KCNC1: variants seen among roughly 807,000 people sequenced by gnomAD.
KCNC1 encodes potassium voltage-gated channel subfamily C member 1.
A neutral mutation model predicts 43.4 loss-of-function variants in KCNC1; 8 were observed. That is an observed-to-expected ratio of 0.18 (90% confidence interval 0.11 to 0.33). The LOEUF is 0.33. Among genes scored for constraint, KCNC1 ranks in the 10% least tolerant of loss-of-function variants. The pLI is 1.00. For missense variants in KCNC1, 420 were observed against 836.0 expected (o/e 0.50, Z 6.14); for synonymous variants, 361 against 360.5 (o/e 1.00, Z -0.01).
At chr11:17,765,927 T>TG (rs1012592075) in intron 1 of KCNC1, 1 of 152,440 alleles carries the variant, frequency 6.6e-6, no homozygotes, top group African/African-American at 2.4e-5. Context: ...CCATGGGTGA[T>TG]GGGCACAGCC....
At chr11:17,756,652 T>A (rs1849026279) in intron 1 of KCNC1, among the ~76,000 whole-genome samples, 1 of 152,088 alleles carries the variant, frequency 6.6e-6, no homozygotes, top group Admixed American at 6.5e-5. Flanking sequence ...GTGGACTCCA[T>A]TCCTAGCTCC....
chr11:17,766,240 C>T (rs1399465105), intron 1 of KCNC1, among the ~76,000 whole-genome samples: 4 of 152,208 alleles, frequency 2.6e-5, no homozygotes, highest in African/African-American at 7.2e-5. Context: ...TGGTGTGTGG[C>T]GATGTGTCTC....
At chr11:17,741,289 C>T (rs539689544) in intron 1 of KCNC1, among the ~76,000 whole-genome samples, 5 of 150,668 alleles carry the variant, frequency 3.3e-5, no homozygotes, top group South Asian at 2.1e-4. Context: ...GCCCCTTCAC[C>T]GCTAAATGGG....
At chr11:17,778,465 G>T (rs561915584) in intron 2 of KCNC1, among the ~76,000 whole-genome samples, 11 of 152,360 alleles carry the variant, frequency 7.2e-5, no homozygotes, top group African/African-American at 2.2e-4. Context: ...AGGAATGGGA[G>T]CCCCTCCCAA....
chr11:17,770,379 C>G (rs1849210972), intron 1 of KCNC1, among the ~76,000 whole-genome samples: 1 of 152,328 alleles, frequency 6.6e-6, no homozygotes, highest in African/African-American at 2.4e-5. Context: ...TGAGGACATG[C>G]AGGCGGGAGT....
intron 1 of KCNC1, among the ~76,000 whole-genome samples, chr11:17,769,915 T>A (rs1849203766): frequency 6.6e-6 from 1 of 152,200 alleles, no homozygotes; most frequent in Non-Finnish European, 1.5e-5. Context: ...TCGTAGCATG[T>A]GGTGTCTCAG....
chr11:17,737,179 T>A (rs1848777657), intron 1 of KCNC1, among the ~76,000 whole-genome samples: 1 of 151,998 alleles, frequency 6.6e-6, no homozygotes, highest in East Asian at 1.9e-4. Context: ...CCATGGCTAA[T>A]CTCGGTGGCT....
At chr11:17,743,234 G>A (rs191459847) in intron 1 of KCNC1, among the ~76,000 whole-genome samples, 16 of 152,366 alleles carry the variant, frequency 1.1e-4, no homozygotes, top group Admixed American at 5.2e-4. Context: ...CTCATGCGCG[G>A]TGGAGCCAGC....
chr11:17,776,965 C>G lies in KCNC1; in HGVS notation c.1505-2491C>G. ...TTCCCCACCCAATCATTAGTCCCTCCTCAAAGGTTAGGGTTGAGAGAAGCA... is the reference window on the plus strand; with the variant it reads ...TTCCCCACCCAATCATTAGTCCCTCGTCAAAGGTTAGGGTTGAGAGAAGCA... On this transcript the variant is annotated intron_variant, in intron 2 of 3. Coordinates refer to ENST00000265969, the MANE Select transcript of KCNC1 (RefSeq NM_001112741.2). The surrounding 1 kb of genome is among the most constrained non-coding windows in gnomAD (Gnocchi z 4.4). 1.0e-6 allele frequency: 1 copy of G among 985,494 alleles called. No individual in the cohort carries two copies. The highest frequency in any genetic ancestry group is 1.2e-6 in the Non-Finnish European group (1 of 830,002). The allele number at this position is 985,494 out of a possible 1,614,324, so 61.0% of individuals were successfully genotyped here.
chr11:17,757,203 C>T (rs1006870264), intron 1 of KCNC1, among the ~76,000 whole-genome samples: 2 of 105,320 alleles, frequency 1.9e-5, no homozygotes, highest in Admixed American at 1.3e-4. Flanking sequence ...TAAAATGTGC[C>T]ATCCATTTAG....
In KCNC1 at chr11:17,771,593, C is replaced by A; in HGVS notation, c.571-72C>A. 1 of 1,373,742 alleles carries A rather than the reference C, an allele frequency of 7.3e-7. No individual in the cohort carries two copies. Among genetic ancestry groups the A allele is most frequent in the Non-Finnish European group, 1.0e-6 (1 of 993,560 alleles). 85.1% of individuals were successfully genotyped at this position (1,373,742 alleles called of 1,614,324 possible). On this transcript the variant is annotated intron_variant, in intron 1 of 3. Transcript: ENST00000265969. This position sits in a 1 kb window ranked among gnomAD's most constrained non-coding sequence, Gnocchi z 4.7. ...CATCTCCCCCCGCCTGGCCCTGGGACTGGACAGAGGCAACCCAGGCTTCTC... is the reference window on the plus strand; with the variant it reads ...CATCTCCCCCCGCCTGGCCCTGGGAATGGACAGAGGCAACCCAGGCTTCTC...
chr11:17,774,581 A>T, intron 2 of KCNC1: 1 of 985,600 alleles, frequency 1.0e-6, no homozygotes. Flanking sequence ...CCCAGGACAC[A>T]AAACCTGTAA....
Position 17,739,774 on chromosome 11 carries a change from G to A in KCNC1, c.570+3202G>A, listed in dbSNP as rs1848817738. ...CTGTGTGTGACAGACTGTATGTGAA[G>A]GTGTGTGTAAGACAGAGATTGTGTG... On this transcript the variant is annotated intron_variant, in intron 1 of 3. Transcript: ENST00000265969. The surrounding 1 kb of genome is among the most constrained non-coding windows in gnomAD (Gnocchi z 4.2). Among the ~76,000 whole-genome samples, 2 of 151,906 alleles carry A rather than the reference G, an allele frequency of 1.3e-5. No homozygotes were observed. Among genetic ancestry groups the A allele is most frequent in the Non-Finnish European group, 2.9e-5 (2 of 67,956 alleles).
Position 17,735,647 on chromosome 11 carries a change from G to A in KCNC1, c.-356G>A. ...TCCCCACCTCCCGGGGCTCGCTGCT[G>A]AGCCCGCCCCCCTCCCTCTTTCCCC... On this transcript the variant is annotated 5_prime_UTR_variant, in exon 1 of 4. The change abolishes the stop of an existing upstream ORF in the 5' untranslated region. Coordinates refer to ENST00000265969, the MANE Select transcript of KCNC1 (RefSeq NM_001112741.2). This position sits in a 1 kb window ranked among gnomAD's most constrained non-coding sequence, Gnocchi z 6.7. The A allele has an allele frequency of 7.3e-6, 1 of 137,238 alleles. No individual in the cohort carries two copies. The highest frequency in any genetic ancestry group is 1.6e-5 in the Non-Finnish European group (1 of 63,588). 8.5% of individuals were successfully genotyped at this position (137,238 alleles called of 1,614,324 possible).
Position 17,776,230 on chromosome 11 carries a change from C to T in KCNC1, c.1505-3226C>T, listed in dbSNP as rs970864194. ...CCACTAATCATGTTTCTCTCTCTCT[C>T]CTCGTTTTGTTGCATGACTTGTGCC... is the stretch of plus-strand genomic sequence containing the variant. On this transcript the variant is annotated intron_variant, in intron 2 of 3. Transcript: ENST00000265969. This position sits in a 1 kb window ranked among gnomAD's most constrained non-coding sequence, Gnocchi z 4.4. 3 of 985,310 alleles carry T rather than the reference C, an allele frequency of 3.0e-6. No individual in the cohort carries two copies. The highest frequency in any genetic ancestry group is 3.6e-6 in the Non-Finnish European group (3 of 829,972). The allele number at this position is 985,310 out of a possible 1,614,324, so 61.0% of individuals were successfully genotyped here. A position where few individuals can be genotyped will look rare whatever the true frequency, so the allele number is the denominator to read the frequency against.
chr11:17,774,116 C>G (rs763920623), intron 2 of KCNC1: 30 of 985,466 alleles, frequency 3.0e-5, no homozygotes, highest in Non-Finnish European at 3.5e-5. Flanking sequence ...TCCTTTCACC[C>G]TGCCGCATAC....
intron 3 of KCNC1, chr11:17,780,687 T>A (rs1849336040): frequency 6.6e-6 from 1 of 152,248 alleles, no homozygotes; most frequent in African/African-American, 2.4e-5. Flanking sequence ...GCTCCAGTAT[T>A]TGAAGTGATT....
chr11:17,757,996 A>G (rs900644020), intron 1 of KCNC1, among the ~76,000 whole-genome samples: 28 of 152,204 alleles, frequency 1.8e-4, no homozygotes, highest in African/African-American at 6.5e-4. Context: ...TCCCTTTCAC[A>G]AAAGATTTCT....
At chr11:17,774,385 T>C in intron 2 of KCNC1, 1 of 985,542 alleles carries the variant, frequency 1.0e-6, no homozygotes, top group Non-Finnish European at 1.2e-6. Flanking sequence ...TCCCCGACAC[T>C]GGATCTTTCA....
Sources: allele counts gnomAD v4.1 joint callset (sites outside exome capture counted in the v4.1 genomes callset), GRCh38; gene constraint gnomAD v4.1.1; non-coding constraint Gnocchi (gnomAD v3.1); transcripts MANE v1.5; gene names NCBI Gene and HGNC (gene_info 2026-07-23, HGNC 2026-07-21).